The following SLAIN2 variants were observed in gnomAD, a reference collection of about 807,000 sequenced individuals.
The protein encoded by SLAIN2 is SLAIN family member 2.
A neutral mutation model predicts 56.6 loss-of-function variants in SLAIN2; 31 were observed. That is an observed-to-expected ratio of 0.55 (90% confidence interval 0.41 to 0.74). The LOEUF is 0.74. SLAIN2 is among the 30% of genes least tolerant of loss of function. The pLI, the probability that SLAIN2 is intolerant of heterozygous loss-of-function variation, is 0.00. For synonymous variants in SLAIN2, 317 were observed against 284.9 expected (o/e 1.11, Z -1.13); for missense variants, 777 against 754.2 (o/e 1.03, Z -0.35).
chr4:48,364,015 C>T (rs1471545791), intron 1 of SLAIN2, among the ~76,000 whole-genome samples: 7 of 107,016 alleles, frequency 6.5e-5, no homozygotes, highest in African/African-American at 1.3e-4. Context: ...GGCTGCTGGG[C>T]GGAGACGCTC....
At chr4:48,395,445 G>T (rs1344540549) in intron 6 of SLAIN2, among the ~76,000 whole-genome samples, 3 of 145,898 alleles carry the variant, frequency 2.1e-5, no homozygotes, top group South Asian at 2.1e-4. Flanking sequence ...GATTTTTTTT[G>T]AAAAAAAAAA....
rs1717106799 is a variant in SLAIN2 at position 48,420,116 on chromosome 4, A to G, written c.1361-9A>G. 1 of 1,611,590 alleles carries G rather than the reference A, an allele frequency of 6.2e-7. No homozygotes were observed. Among genetic ancestry groups the G allele is most frequent in the Non-Finnish European group, 8.5e-7 (1 of 1,178,192 alleles). On this transcript the variant is annotated splice_polypyrimidine_tract_variant and intron_variant, in intron 6 of 7. Transcript: ENST00000264313. ...ACTCAAAAATTGGTTTTTCTTTGCC[A>G]TCCCACAGTACCTTCTCCAGGCAAA...
chr4:48,382,872 C>T lies in SLAIN2; in HGVS notation c.1167C>T (p.Arg389=), dbSNP rs1026381243. 5 of 1,613,234 alleles carry T rather than the reference C, an allele frequency of 3.1e-6. No individual in the cohort carries two copies. In the Admixed American group the frequency reaches 6.7e-5, roughly 22 times the overall value. ...QPMISRLQQP[R]LSLQGHPTDL... ...TGATTAGCCGCTTACAGCAACCTCG[C>T]CTTTCACTTCAAGGCCATCCCACAG... Residue 389 remains arginine, a synonymous_variant, in exon 5 of 8, where the codon CGC becomes CGT. Transcript: ENST00000264313.
At chr4:48,365,358 T>C (rs1457252502) in intron 1 of SLAIN2, among the ~76,000 whole-genome samples, 2 of 142,268 alleles carry the variant, frequency 1.4e-5, no homozygotes, top group African/African-American at 5.3e-5. Flanking sequence ...TAATCCTAGC[T>C]ACTCGGGAGG....
Position 48,425,098 on chromosome 4 carries a change from T to G in SLAIN2, c.*3021T>G, listed in dbSNP as rs1409348895. 3 of 152,178 alleles carry G rather than the reference T, an allele frequency of 2.0e-5. No individual in the cohort carries two copies. The highest frequency in any genetic ancestry group is 7.2e-5 in the African/African-American group (3 of 41,468). 9.4% of individuals were successfully genotyped at this position (152,178 alleles called of 1,614,324 possible). ...CTCAGTTGCCTACACTTGGTTTTAA[T>G]AAATTACTCAGTTGAGTTTTTCTTT... On this transcript the variant is annotated 3_prime_UTR_variant, in exon 8 of 8. Coordinates refer to ENST00000264313, the MANE Select transcript of SLAIN2 (RefSeq NM_020846.2).
At chr4:48,345,411 T>G (rs1424541750) in intron 1 of SLAIN2, among the ~76,000 whole-genome samples, 2 of 152,214 alleles carry the variant, frequency 1.3e-5, no homozygotes, top group African/African-American at 4.8e-5. Context: ...AGTTGCTCAT[T>G]GTCATTATAC....
chr4:48,408,312 G>C (rs1716753767), intron 6 of SLAIN2, among the ~76,000 whole-genome samples: 1 of 151,326 alleles, frequency 6.6e-6, no homozygotes, highest in Admixed American at 6.6e-5. Flanking sequence ...GGGCAACAGA[G>C]CAAGACAACC....
chr4:48,421,923 AAGAGTAATTAATATATGTGTG>A lies in SLAIN2; in HGVS notation c.1680-84_1680-64del, dbSNP rs1446473331. 44 of 1,096,172 alleles carry A rather than the reference AAGAGTAATTAATATATGTGTG, an allele frequency of 4.0e-5. 1 individual carries two copies. In the Middle Eastern group the frequency reaches 1.4e-3, roughly 35 times the overall value. The allele number at this position is 1,096,172 out of a possible 1,614,324, so 67.9% of individuals were successfully genotyped here. ...CTTCATGGGATCGTGATGCCACCTG[AAGAGTAATTAATATATGTGTG>A]AGATAGTATGGTACTATTTCATAAA... On this transcript the variant is annotated intron_variant, in intron 7 of 7. Coordinates refer to ENST00000264313, the MANE Select transcript of SLAIN2 (RefSeq NM_020846.2).
At chr4:48,383,434 T>A (rs529186617) in intron 5 of SLAIN2, among the ~76,000 whole-genome samples, 1 of 152,184 alleles carries the variant, frequency 6.6e-6, no homozygotes, top group African/African-American at 2.4e-5. Context: ...AATATAAAAT[T>A]TGTGGTTATC....
At chr4:48,363,996 G>A (rs1275647594) in intron 1 of SLAIN2, among the ~76,000 whole-genome samples, 7 of 120,834 alleles carry the variant, frequency 5.8e-5, no homozygotes, top group South Asian at 3.4e-4. Context: ...CCTCCCTCCC[G>A]GACGGGGTGG....
At chr4:48,359,841 A>G (rs967076512) in intron 1 of SLAIN2, among the ~76,000 whole-genome samples, 3 of 152,220 alleles carry the variant, frequency 2.0e-5, no homozygotes, top group African/African-American at 7.2e-5. Context: ...TCAGTATTTA[A>G]CAGTATACTT....
rs1267786551 is a variant in SLAIN2 at position 48,425,577 on chromosome 4, A to G, written c.*3500A>G. The G allele has an allele frequency of 6.6e-6, 1 of 152,148 alleles. No homozygotes were observed. The highest frequency in any genetic ancestry group is 2.4e-5 in the African/African-American group (1 of 41,436). The allele number at this position is 152,148 out of a possible 1,614,324, so 9.4% of individuals were successfully genotyped here. A position where few individuals can be genotyped will look rare whatever the true frequency, so the allele number is the denominator to read the frequency against. ...ATAATTACAATTAAAATAATATTAC[A>G]TGTTACAATTAGATTAATAGTGATG... On this transcript the variant is annotated 3_prime_UTR_variant, in exon 8 of 8. Transcript: ENST00000264313.
intron 1 of SLAIN2, among the ~76,000 whole-genome samples, chr4:48,357,599 G>C (rs569313387): frequency 6.6e-6 from 1 of 152,206 alleles, no homozygotes; most frequent in East Asian, 1.9e-4. Context: ...GCCCAGGCTG[G>C]AGTGCAATGG....
chr4:48,390,078 C>G (rs1221876700), intron 6 of SLAIN2, among the ~76,000 whole-genome samples: 1 of 131,264 alleles, frequency 7.6e-6, no homozygotes, highest in African/African-American at 3.0e-5. Flanking sequence ...TTCTTTTTTT[C>G]TTTTTCTTTT....
chr4:48,366,002 G>GT (rs1364593508), intron 1 of SLAIN2, among the ~76,000 whole-genome samples: 1 of 152,064 alleles, frequency 6.6e-6, no homozygotes. Flanking sequence ...CATAATATTG[G>GT]TATGTTGTAT....
rs1714700701 is a variant in SLAIN2, at chr4:48,341,624, C to T, written c.-116C>T. On this transcript the variant is annotated 5_prime_UTR_variant, in exon 1 of 8. Transcript: ENST00000264313. ...ACCCTGGCGGTGGGGCCTGGTCCTG[C>T]TATATGCCGGCGCCTCGGCTAGAGT... The T allele has an allele frequency of 2.8e-6, 4 of 1,426,522 alleles. No homozygotes were observed. Among genetic ancestry groups the T allele is most frequent in the Middle Eastern group, 2.5e-4 (1 of 4,004 alleles). The allele number at this position is 1,426,522 out of a possible 1,614,324, so 88.4% of individuals were successfully genotyped here.
intron 6 of SLAIN2, among the ~76,000 whole-genome samples, chr4:48,393,094 C>T (rs1334878802): frequency 3.3e-5 from 5 of 151,702 alleles, no homozygotes; most frequent in Admixed American, 2.6e-4. Flanking sequence ...ACCCATTGGC[C>T]GGGTGCAGTG....
chr4:48,352,134 T>C (rs984381818), intron 1 of SLAIN2, among the ~76,000 whole-genome samples: 2 of 152,130 alleles, frequency 1.3e-5, no homozygotes, highest in African/African-American at 2.4e-5. Flanking sequence ...AAATGGCATT[T>C]TGGAGAGGTT....
chr4:48,371,338 G>A (rs1715659480), intron 2 of SLAIN2, among the ~76,000 whole-genome samples: 1 of 152,096 alleles, frequency 6.6e-6, no homozygotes, highest in Admixed American at 6.5e-5. Flanking sequence ...CTCCCAATCT[G>A]CTGGGATTAC....
Sources: gnomAD v4.1 joint callset for allele counts (sites outside exome capture counted in the v4.1 genomes callset) on GRCh38, gnomAD v4.1.1 for gene constraint, MANE v1.5 for transcripts, NCBI Gene and HGNC (gene_info 2026-07-23, HGNC 2026-07-21) for gene names.